KCNQ1: variants seen among roughly 807,000 people sequenced by gnomAD.
The protein encoded by KCNQ1 is potassium voltage-gated channel subfamily Q member 1.
In KCNQ1, 49 loss-of-function variants were observed where a neutral mutation model predicts 72.4. The observed-to-expected ratio is 0.68, with a 90% CI of 0.54 to 0.86. KCNQ1 has a LOEUF of 0.86. Among genes scored for constraint, KCNQ1 ranks in the 40% least tolerant of loss-of-function variants. The pLI is 0.00. For synonymous variants in KCNQ1, 450 were observed against 412.6 expected (o/e 1.09, Z -1.10); for missense variants, 790 against 945.1 (o/e 0.84, Z 2.15).
chr11:2,845,254 ACT>A (rs1848302246), intron 15 of KCNQ1, among the ~76,000 whole-genome samples: 1 of 151,330 alleles, frequency 6.6e-6, no homozygotes, highest in Admixed American at 6.6e-5. Flanking sequence ...TACCTGACAC[ACT>A]GTGTCCCCCC....
chr11:2,642,052 T>G lies in KCNQ1; in HGVS notation c.1394-19909T>G, dbSNP rs1255530461. On this transcript the variant is annotated intron_variant, in intron 10 of 15. Coordinates refer to ENST00000155840, the MANE Select transcript of KCNQ1 (RefSeq NM_000218.3). This position sits in a 1 kb window ranked among gnomAD's most constrained non-coding sequence, Gnocchi z 4.3. ...AGCCTTATATTTTTAAATCAGGCAG[T>G]GTGATGCATCCAACTTTGTTATTTT... 8 of 398,338 alleles carry G rather than the reference T, an allele frequency of 2.0e-5. No individual in the cohort carries two copies. The highest frequency in any genetic ancestry group is 3.6e-5 in the East Asian group (1 of 28,062). 24.7% of individuals were successfully genotyped at this position (398,338 alleles called of 1,614,324 possible). A position where few individuals can be genotyped will look rare whatever the true frequency, so the allele number is the denominator to read the frequency against.
In KCNQ1 at chr11:2,473,903, C is replaced by A. The variant is rs1253012867; in HGVS notation, c.386+28419C>A. On this transcript the variant is annotated intron_variant, in intron 1 of 15. Coordinates refer to ENST00000155840, the MANE Select transcript of KCNQ1 (RefSeq NM_000218.3). This position sits in a 1 kb window ranked among gnomAD's most constrained non-coding sequence, Gnocchi z 6.0. ...ATGGGAGCCTGGGAGAGCCCTGCCT[C>A]CCGGAACGGACATCCTCCTTCACCA... 6.6e-6 allele frequency among the ~76,000 whole-genome samples: 1 copy of A among 152,220 alleles called. No individual in the cohort carries two copies. The highest frequency in any genetic ancestry group is 2.4e-5 in the African/African-American group (1 of 41,464).
chr11:2,502,052 A>G (rs1847023487), intron 1 of KCNQ1, among the ~76,000 whole-genome samples: 1 of 152,294 alleles, frequency 6.6e-6, no homozygotes, highest in South Asian at 2.1e-4. Flanking sequence ...ACCTCAACAT[A>G]ATAAAAGCCA....
rs1166604268 is a variant in KCNQ1, at chr11:2,764,198, C to T, written c.1515-4646C>T. The stretch of plus-strand genomic sequence containing the variant: ...TGGGTTTTTTTGTTTTAGTTTTTGT[C>T]TTTTTTTTTTTTAGGTAATGGAGTT... On this transcript the variant is annotated intron_variant, in intron 11 of 15. Coordinates refer to ENST00000155840, the MANE Select transcript of KCNQ1 (RefSeq NM_000218.3). This position sits in a 1 kb window ranked among gnomAD's most constrained non-coding sequence, Gnocchi z 4.8. Among the ~76,000 whole-genome samples the T allele has an allele frequency of 6.9e-6, 1 of 144,654 alleles. No individual in the cohort carries two copies. Among genetic ancestry groups the T allele is most frequent in the Admixed American group, 6.8e-5 (1 of 14,678 alleles). The allele number at this position is 144,654 out of a possible 152,430, so 94.9% of individuals were successfully genotyped here.
chr11:2,628,521 C>G (rs1008789981), intron 10 of KCNQ1: 16 of 398,088 alleles, frequency 4.0e-5, no homozygotes, highest in East Asian at 7.1e-5. Context: ...TATATGAGTT[C>G]CTTATATATA....
In KCNQ1 at chr11:2,621,477, T is replaced by A; in HGVS notation, c.1393+32623T>A. 2.5e-6 allele frequency: 1 copy of A among 398,594 alleles called. No homozygotes were observed. Among genetic ancestry groups the A allele is most frequent in the Non-Finnish European group, 4.4e-6 (1 of 226,060 alleles). The allele number at this position is 398,594 out of a possible 1,614,324, so 24.7% of individuals were successfully genotyped here. On this transcript the variant is annotated intron_variant, in intron 10 of 15. Coordinates refer to ENST00000155840, the MANE Select transcript of KCNQ1 (RefSeq NM_000218.3). This position sits in a 1 kb window ranked among gnomAD's most constrained non-coding sequence, Gnocchi z 5.7. ...GCCAGATGAATAGTTTGCAAATATT[T>A]TTTCTCCCATTCTATATGTTGTCTG...
At chr11:2,487,826 C>CT (rs201845766) in intron 1 of KCNQ1, among the ~76,000 whole-genome samples, 2,887 of 151,978 alleles carry the variant, frequency 0.019, 42 homozygotes, top group South Asian at 0.054. Flanking sequence ...AGTTTTACGT[C>CT]TTTTTTTTCC....
At position 2,620,886 on chromosome 11, in the gene KCNQ1, G is replaced by T. The variant is rs1849158129; in HGVS notation, c.1393+32032G>T. On this transcript the variant is annotated intron_variant, in intron 10 of 15. Transcript: ENST00000155840. The surrounding 1 kb of genome is among the most constrained non-coding windows in gnomAD (Gnocchi z 4.5). ...TTGACTTTTTAATAATTGCCATTCT[G>T]ACTGGTGTGAGATGGCATCCCATTA... 7.6e-6 allele frequency: 3 copies of T among 396,460 alleles called. No homozygotes were observed. In the South Asian group the frequency reaches 3.8e-4, roughly 51 times the overall value. 24.6% of individuals were successfully genotyped at this position (396,460 alleles called of 1,614,324 possible).
chr11:2,621,006 C>A lies in KCNQ1; in HGVS notation c.1393+32152C>A. The A allele has an allele frequency of 2.5e-6, 1 of 395,280 alleles. No individual in the cohort carries two copies. Among genetic ancestry groups the A allele is most frequent in the Non-Finnish European group, 4.4e-6 (1 of 225,372 alleles). The allele number at this position is 395,280 out of a possible 1,614,324, so 24.5% of individuals were successfully genotyped here. A position where few individuals can be genotyped will look rare whatever the true frequency, so the allele number is the denominator to read the frequency against. ...GTTTGTTTGTTTTTTGAGAAAGAGT[C>A]TTGCTCTGTCTCCCAGGCTGGAGTG... On this transcript the variant is annotated intron_variant, in intron 10 of 15. Transcript: ENST00000155840. The surrounding 1 kb of genome is among the most constrained non-coding windows in gnomAD (Gnocchi z 5.7).
chr11:2,700,031 C>A (rs527818421), intron 11 of KCNQ1: 6 of 398,218 alleles, frequency 1.5e-5, no homozygotes, highest in South Asian at 1.3e-4. Flanking sequence ...CTGCCCCCGC[C>A]GCTGCCGACG....
At chr11:2,489,390 G>T (rs570708349) in intron 1 of KCNQ1, among the ~76,000 whole-genome samples, 136 of 152,268 alleles carry the variant, frequency 8.9e-4, no homozygotes, top group Non-Finnish European at 1.5e-3. Context: ...ATATCTCAGG[G>T]GTCAGAAACT....
In KCNQ1 at chr11:2,733,814, A is replaced by ACACACACACACACACTCT; in HGVS notation, c.1515-35029_1515-35028insACACACACACACACTCTC. On this transcript the variant is annotated intron_variant, in intron 11 of 15. Transcript: ENST00000155840. ...CACACACACACACACACACACACAC[A>ACACACACACACACACTCT]CTCTCTCACTCTCTCTCTCTCTCTC... 7.6e-3 allele frequency among the ~76,000 whole-genome samples: 657 copies of ACACACACACACACACTCT among 86,300 alleles called. 7 individuals are homozygous for ACACACACACACACACTCT. Among genetic ancestry groups the ACACACACACACACACTCT allele is most frequent in the Non-Finnish European group, 0.01 (433 of 41,820 alleles). 56.6% of individuals were successfully genotyped at this position (86,300 alleles called of 152,430 possible). A position where few individuals can be genotyped will look rare whatever the true frequency, so the allele number is the denominator to read the frequency against.
At position 2,738,814 on chromosome 11, in the gene KCNQ1, A is replaced by T. The variant is rs560461010; in HGVS notation, c.1515-30030A>T. Among the ~76,000 whole-genome samples, 3 of 152,298 alleles carry T rather than the reference A, an allele frequency of 2.0e-5. No homozygotes were observed. The South Asian group carries it at 6.2e-4, about 32-fold the overall frequency. Reference sequence around the variant, plus strand: ...CCTTCTGCCACCTGGGCATTGGCACACTGGCCTTCCGCAGACACTCAGCAG... The same window carrying T: ...CCTTCTGCCACCTGGGCATTGGCACTCTGGCCTTCCGCAGACACTCAGCAG... On this transcript the variant is annotated intron_variant, in intron 11 of 15. Transcript: ENST00000155840.
rs1261072155 is a variant in KCNQ1, at chr11:2,608,472, T to G, written c.1393+19618T>G. 7.5e-6 allele frequency: 3 copies of G among 398,454 alleles called. No homozygotes were observed. The highest frequency in any genetic ancestry group is 4.1e-5 in the African/African-American group (2 of 48,614). 24.7% of individuals were successfully genotyped at this position (398,454 alleles called of 1,614,324 possible). ...TTGGTAGTATACTTCCCTCATTCAT[T>G]CCTTTTTCCTTTTCTTTTTGAGAAA... On this transcript the variant is annotated intron_variant, in intron 10 of 15. Coordinates refer to ENST00000155840, the MANE Select transcript of KCNQ1 (RefSeq NM_000218.3). The surrounding 1 kb of genome is among the most constrained non-coding windows in gnomAD (Gnocchi z 4.6).
intron 1 of KCNQ1, among the ~76,000 whole-genome samples, chr11:2,469,302 C>G (rs2133593819): frequency 6.6e-6 from 1 of 151,418 alleles, no homozygotes; most frequent in African/African-American, 2.4e-5. Flanking sequence ...GAATCTCACT[C>G]TCCGTCTCCC....
intron 15 of KCNQ1, among the ~76,000 whole-genome samples, chr11:2,788,494 C>A (rs1400731503): frequency 6.6e-6 from 1 of 152,110 alleles, no homozygotes; most frequent in Admixed American, 6.5e-5. Flanking sequence ...GCCTGGACTG[C>A]CCTGGCAGCC....
chr11:2,485,375 C>G (rs113255961), intron 1 of KCNQ1, among the ~76,000 whole-genome samples: 2 of 144,768 alleles, frequency 1.4e-5, no homozygotes, highest in African/African-American at 2.6e-5. Flanking sequence ...CCCACCCCCC[C>G]ACCCTGGACA....
At chr11:2,469,383 C>G (rs1295230784) in intron 1 of KCNQ1, among the ~76,000 whole-genome samples, 1 of 151,976 alleles carries the variant, frequency 6.6e-6, no homozygotes, top group African/African-American at 2.4e-5. Context: ...AAGTGATTCT[C>G]CTGCCTCAGC....
intron 10 of KCNQ1, chr11:2,633,300 T>C (rs1564839760): frequency 5.0e-6 from 2 of 398,552 alleles, no homozygotes; most frequent in Non-Finnish European, 8.8e-6. Context: ...CCTTGTCAGA[T>C]GAATATTTTC....
Sources: allele counts gnomAD v4.1 joint callset (sites outside exome capture counted in the v4.1 genomes callset), GRCh38; gene constraint gnomAD v4.1.1; non-coding constraint Gnocchi (gnomAD v3.1); transcripts MANE v1.5; gene names NCBI Gene and HGNC (gene_info 2026-07-23, HGNC 2026-07-21).